PCDHA5: variants seen among roughly 807,000 people sequenced by gnomAD.
PCDHA5 encodes the protein protocadherin alpha 5.
A neutral mutation model predicts 61.6 loss-of-function variants in PCDHA5; 43 were observed. The ratio of observed to expected loss-of-function variants is 0.70; its 90% CI spans 0.55 to 0.90. The LOEUF (loss-of-function observed/expected upper bound fraction) is 0.90, where lower values mean the gene tolerates loss of function less well. PCDHA5 is among the 40% of genes least tolerant of loss of function. The probability of loss-of-function intolerance (pLI) is 0.00; values close to 1 mark genes in which losing one functional copy is unlikely to be tolerated. For missense variants in PCDHA5, 1,298 were observed against 1,222.7 expected (o/e 1.06, Z -0.92); for synonymous variants, 627 against 543.9 (o/e 1.15, Z -2.13).
intron 1 of PCDHA5, chr5:140,884,308 G>C: frequency 6.2e-7 from 1 of 1,613,766 alleles, no homozygotes; most frequent in Non-Finnish European, 8.5e-7. Flanking sequence ...AGGCTTCGTC[G>C]AGGGCGTCGG....
rs1554144804 is a variant in PCDHA5, at chr5:140,850,700, C to G, written c.2352+26573C>G. 17 of 1,597,908 alleles carry G rather than the reference C, an allele frequency of 1.1e-5. 1 individual carries two copies. The highest frequency in any genetic ancestry group is 1.7e-5 in the Admixed American group (1 of 59,228). ...CCACCGAGGGCGAGTGCGCGCCTGG[C>G]AAGCCGACGCTGGTGTGTTCTAGCG... On this transcript the variant is annotated intron_variant, in intron 1 of 3. Transcript: ENST00000529859.
intron 1 of PCDHA5, among the ~76,000 whole-genome samples, chr5:140,892,783 T>C (rs1554185363): frequency 6.6e-6 from 1 of 152,168 alleles, no homozygotes; most frequent in African/African-American, 2.4e-5. Context: ...TTCTTGAAAA[T>C]ATGTAAGAAA....
intron 1 of PCDHA5, chr5:140,836,329 T>C: frequency 6.2e-7 from 1 of 1,613,654 alleles, no homozygotes; most frequent in Non-Finnish European, 8.5e-7. Context: ...CGCCTTCTGG[T>C]GCTTGTGAAG....
intron 1 of PCDHA5, chr5:140,842,175 T>A (rs2150330904): frequency 1.2e-6 from 2 of 1,613,894 alleles, no homozygotes; most frequent in South Asian, 2.2e-5. Flanking sequence ...AATAGCCTTG[T>A]TGAAACTATG....
chr5:140,933,853 A>AT (rs2089460601), intron 1 of PCDHA5, among the ~76,000 whole-genome samples: 2 of 151,568 alleles, frequency 1.3e-5, no homozygotes, highest in Non-Finnish European at 3.0e-5. Context: ...TGTACCTTTA[A>AT]TTTTTTCAGA....
intron 3 of PCDHA5, among the ~76,000 whole-genome samples, chr5:140,992,671 T>C (rs932477687): frequency 1.3e-5 from 2 of 152,116 alleles, no homozygotes; most frequent in African/African-American, 4.8e-5. Context: ...GGTGTGTATG[T>C]GTGTGTTAGG....
chr5:140,829,517 A>G, intron 1 of PCDHA5: 1 of 1,613,440 alleles, frequency 6.2e-7, no homozygotes. Context: ...CCACATCTTC[A>G]CGGTGTCTGC....
chr5:140,987,882 T>G (rs942974119), intron 3 of PCDHA5, among the ~76,000 whole-genome samples: 2 of 152,158 alleles, frequency 1.3e-5, no homozygotes, highest in Non-Finnish European at 2.9e-5. Flanking sequence ...ATGGACAGTT[T>G]ATGTGCCCTA....
intron 1 of PCDHA5, chr5:140,967,330 C>G: frequency 6.2e-7 from 1 of 1,608,074 alleles, no homozygotes; most frequent in South Asian, 1.1e-5. Context: ...ACGAGCTCAG[C>G]CCCAGCGAGC....
At chr5:140,840,258 A>T (rs1776629657) in intron 1 of PCDHA5, among the ~76,000 whole-genome samples, 1 of 151,990 alleles carries the variant, frequency 6.6e-6, no homozygotes, top group South Asian at 2.1e-4. Context: ...AAAAATTGTG[A>T]TTTTTTAATG....
At chr5:140,905,144 A>G (rs2071622994) in intron 1 of PCDHA5, among the ~76,000 whole-genome samples, 2 of 152,130 alleles carry the variant, frequency 1.3e-5, no homozygotes, top group African/African-American at 2.4e-5. Context: ...TTCTGCTGTT[A>G]TATTTTAGAA....
chr5:140,829,646 G>A, intron 1 of PCDHA5: 2 of 1,612,376 alleles, frequency 1.2e-6, no homozygotes, highest in Non-Finnish European at 8.5e-7. Flanking sequence ...CAAGGTGTAC[G>A]CGCTGCAGCC....
rs181382577 is a variant in PCDHA5 at position 140,851,207 on chromosome 5, A to G, written c.2352+27080A>G. 3,689 of 1,174,684 alleles carry G rather than the reference A, an allele frequency of 3.1e-3. 213 individuals carry two copies. The highest frequency in any genetic ancestry group is 3.6e-3 in the Non-Finnish European group (3,326 of 916,620). The allele number at this position is 1,174,684 out of a possible 1,614,324, so 72.8% of individuals were successfully genotyped here. On this transcript the variant is annotated intron_variant, in intron 1 of 3. Transcript: ENST00000529859. The stretch of plus-strand genomic sequence containing the variant: ...CCAATTTAGTTGTTAGTCATTCATT[A>G]AACATTAACATCACTATCATTTATT...
rs148828100 is a variant in PCDHA5, at chr5:140,841,462, G to C, written c.2352+17335G>C. The stretch of plus-strand genomic sequence containing the variant: ...CCAAACACGGCACCTTCGTGGGCCG[G>C]ATCGCGCAGGACCTGGGGCTGGAGC... On this transcript the variant is annotated intron_variant, in intron 1 of 3. Coordinates refer to ENST00000529859, the MANE Select transcript of PCDHA5 (RefSeq NM_018908.3). 2.4e-3 allele frequency: 3,771 copies of C among 1,566,800 alleles called. 62 individuals are homozygous for C. Among genetic ancestry groups the C allele is most frequent in the African/African-American group, 0.015 (1,090 of 73,024 alleles).
chr5:140,836,910 T>G (rs1390319466), intron 1 of PCDHA5: 1 of 576,424 alleles, frequency 1.7e-6, no homozygotes, highest in African/African-American at 1.9e-5. Context: ...TAATATACAC[T>G]TTTGTTTTGG....
At chr5:140,957,109 T>C (rs2095334016) in intron 1 of PCDHA5, among the ~76,000 whole-genome samples, 1 of 152,174 alleles carries the variant, frequency 6.6e-6, no homozygotes, top group Non-Finnish European at 1.5e-5. Context: ...ATGGACATGA[T>C]TCTGTGTGTT....
rs781815387 is a variant in PCDHA5, at chr5:140,978,983, C to A, written c.2387C>A (p.Ala796Asp). The part of the protein sequence containing the change: ...RQPNPDWRYS[A>D]SLRAGMHSSV... Reference sequence around the variant, plus strand: ...CCCAACCCTGACTGGCGTTACTCTGCCTCCCTGAGAGCAGGCATGCACAGG... The same window carrying A: ...CCCAACCCTGACTGGCGTTACTCTGACTCCCTGAGAGCAGGCATGCACAGG... Residue 796 changes from alanine (A) to aspartate (D), a missense_variant, in exon 2 of 4, where the codon GCC (alanine) becomes GAC (aspartate). By Grantham distance (126) the Ala-to-Asp change is moderately radical. Transcript: ENST00000529859. 1.6e-5 allele frequency: 26 copies of A among 1,614,142 alleles called. No homozygotes were observed. Among genetic ancestry groups the A allele is most frequent in the Non-Finnish European group, 2.2e-5 (26 of 1,180,024 alleles).
intron 3 of PCDHA5, among the ~76,000 whole-genome samples, chr5:141,003,398 G>A (rs1282074480): frequency 1.3e-5 from 2 of 152,114 alleles, no homozygotes; most frequent in African/African-American, 4.8e-5. Flanking sequence ...TGAAACCTCC[G>A]CCTCCCGGGT....
rs782568393 is a variant in PCDHA5 at position 141,011,637 on chromosome 5, C to G, written c.*1700C>G. The G allele has an allele frequency of 2.0e-5, 3 of 153,526 alleles. No homozygotes were observed. Among genetic ancestry groups the G allele is most frequent in the Non-Finnish European group, 4.4e-5 (3 of 68,022 alleles). The allele number at this position is 153,526 out of a possible 1,614,324, so 9.5% of individuals were successfully genotyped here. ...GGTCCAGCCAAGAGCCATCTCGTGC[C>G]AAGACTTCTGCTGGCAAGGGAATGG... is the stretch of plus-strand genomic sequence containing the variant. On this transcript the variant is annotated 3_prime_UTR_variant, in exon 4 of 4. Transcript: ENST00000529859.
Sources: gnomAD v4.1 joint callset for allele counts (sites outside exome capture counted in the v4.1 genomes callset) on GRCh38, gnomAD v4.1.1 for gene constraint, MANE v1.5 for transcripts, NCBI Gene and HGNC (gene_info 2026-07-23, HGNC 2026-07-21) for gene names.